KPNA6: variants seen among roughly 807,000 people sequenced by gnomAD.
KPNA6 encodes the protein importin subunit alpha-7.
Under a neutral mutation model 72.0 loss-of-function variants are expected in KPNA6, and 9 were observed. The observed-to-expected ratio is 0.13, with a 90% CI of 0.08 to 0.22. KPNA6 has a LOEUF of 0.22. Ranked by LOEUF, KPNA6 falls within the 10% of genes least tolerant of loss-of-function variation. The pLI, the probability that KPNA6 is intolerant of heterozygous loss-of-function variation, is 1.00. For synonymous variants in KPNA6, 219 were observed against 242.1 expected, an observed-to-expected ratio of 0.90 and a Z score of 0.89; for missense variants, 374 against 655.7, an observed-to-expected ratio of 0.57 and a Z score of 4.69.
rs543869296 is a variant in KPNA6 at position 32,167,155 on chromosome 1, C to T, written c.1117-14C>T. 3.4e-5 allele frequency: 55 copies of T among 1,612,518 alleles called. No individual in the cohort carries two copies. The highest frequency in any genetic ancestry group is 1.6e-4 in the Middle Eastern group (1 of 6,076). ...CTTTCTCCTTCCATCTGCCTCCTCT[C>T]AATTCTCTCTCAGGCTGTTATAGAT... On this transcript the variant is annotated splice_polypyrimidine_tract_variant and intron_variant, in intron 11 of 13. Transcript: ENST00000373625.
chr1:32,163,421 G>A lies in KPNA6; in HGVS notation c.990+108G>A, dbSNP rs1340734406. The stretch of plus-strand genomic sequence containing the variant: ...CAAAGGGCTGTGGTCCTGATGGGAG[G>A]CACTATGGTCTAAGGAAGTAAGTGT... On this transcript the variant is annotated intron_variant, in intron 10 of 13. Coordinates refer to ENST00000373625, the MANE Select transcript of KPNA6 (RefSeq NM_012316.5). 3 of 760,080 alleles carry A rather than the reference G, an allele frequency of 3.9e-6. No individual in the cohort carries two copies. In the South Asian group the frequency reaches 4.5e-5, roughly 11 times the overall value. The allele number at this position is 760,080 out of a possible 1,614,324, so 47.1% of individuals were successfully genotyped here.
intron 1 of KPNA6, among the ~76,000 whole-genome samples, chr1:32,133,805 C>T (rs1020494572): frequency 7.2e-5 from 11 of 152,138 alleles, no homozygotes; most frequent in Non-Finnish European, 1.5e-4. Context: ...CTTTGGAGGC[C>T]GAGGCAGGCG....
chr1:32,163,448 G>A (rs1642278487), intron 10 of KPNA6, 135 bp downstream of exon 10: 1 of 627,824 alleles, frequency 1.6e-6, no homozygotes, highest in Non-Finnish European at 2.9e-6. Flanking sequence ...AGTAAGTGTG[G>A]GCTTGAGTGA....
At position 32,109,695 on chromosome 1, in the gene KPNA6, G is replaced by C. The variant is rs1641210479; in HGVS notation, c.4+1561G>C. Among the ~76,000 whole-genome samples the C allele has an allele frequency of 1.3e-5, 2 of 150,114 alleles. 1 individual carries two copies. Among genetic ancestry groups the C allele is most frequent in the South Asian group, 4.2e-4 (2 of 4,758 alleles). ...GTCTGGCTCTGTTGCCCAGGCTGGA[G>C]TGCATTGGCGCGATCTCGGCTCACT... On this transcript the variant is annotated intron_variant, in intron 1 of 13. Coordinates refer to ENST00000373625, the MANE Select transcript of KPNA6 (RefSeq NM_012316.5).
Position 32,175,782 on chromosome 1 carries a change from CAAAA to C in KPNA6, c.*4907_*4910del, listed in dbSNP as rs35485312. The C allele has an allele frequency of 1.0e-4, 4 of 38,916 alleles. No individual in the cohort carries two copies. The highest frequency in any genetic ancestry group is 1.9e-4 in the African/African-American group (2 of 10,794). 2.4% of individuals were successfully genotyped at this position (38,916 alleles called of 1,614,324 possible). ...TGGGTGACAGTGCGAGACTCCATCT[CAAAA>C]AAAAAAAAAAAAAAAAAATCCACAT... On this transcript the variant is annotated 3_prime_UTR_variant, in exon 14 of 14. Coordinates refer to ENST00000373625, the MANE Select transcript of KPNA6 (RefSeq NM_012316.5).
In KPNA6 at chr1:32,170,813, C is replaced by T. The variant is rs780529316; in HGVS notation, c.1530C>T (p.Ser510=). The T allele has an allele frequency of 6.2e-7, 1 of 1,614,106 alleles. No individual in the cohort carries two copies. The highest frequency in any genetic ancestry group is 2.2e-5 in the East Asian group (1 of 44,906). Residue 510 remains serine (S), a synonymous_variant, in exon 14 of 14, where the codon AGC becomes AGT. Coordinates refer to ENST00000373625, the MANE Select transcript of KPNA6 (RefSeq NM_012316.5). ...TTGGTGTAGAAGACGATGATAGCAG[C>T]CTGGCTCCCCAAGTCGATGAAACGC... ...HYFGVEDDDS[S]LAPQVDETQQ... is the part of the protein sequence containing the mutation.
intron 1 of KPNA6, among the ~76,000 whole-genome samples, chr1:32,130,142 A>G (rs1446629214): frequency 1.3e-4 from 20 of 151,648 alleles, no homozygotes; most frequent in Admixed American, 1.3e-3. Flanking sequence ...CTCTACAGAT[A>G]TTAGAGATTG....
Position 32,176,423 on chromosome 1 carries a change from G to A in KPNA6, c.*5529G>A, listed in dbSNP as rs982813642. ...GCTTGATTTCAGAGCAGACATAGGC[G>A]AAGAAAACATGGCATTGAGTGTGCT... On this transcript the variant is annotated 3_prime_UTR_variant, in exon 14 of 14. Coordinates refer to ENST00000373625, the MANE Select transcript of KPNA6 (RefSeq NM_012316.5). 3 of 152,268 alleles carry A rather than the reference G, an allele frequency of 2.0e-5. No individual in the cohort carries two copies. The highest frequency in any genetic ancestry group is 3.8e-4 in the East Asian group (2 of 5,200). 9.4% of individuals were successfully genotyped at this position (152,268 alleles called of 1,614,324 possible). A position where few individuals can be genotyped will look rare whatever the true frequency, so the allele number is the denominator to read the frequency against.
intron 1 of KPNA6, among the ~76,000 whole-genome samples, chr1:32,120,243 G>C (rs897076137): frequency 2.7e-5 from 4 of 150,482 alleles, no homozygotes; most frequent in Non-Finnish European, 5.9e-5. Flanking sequence ...TTTTTTAAAT[G>C]TTAATTTTTT....
chr1:32,117,737 T>C (rs1486181130), intron 1 of KPNA6, among the ~76,000 whole-genome samples: 10 of 152,180 alleles, frequency 6.6e-5, no homozygotes. Context: ...CATGTTTTAG[T>C]TGAGAAAACC....
intron 1 of KPNA6, among the ~76,000 whole-genome samples, chr1:32,136,851 C>T (rs1401379373): frequency 6.6e-5 from 10 of 152,222 alleles, no homozygotes; most frequent in Admixed American, 6.5e-4. Flanking sequence ...TACACTATTA[C>T]TGCCAGCGTT....
intron 1 of KPNA6, among the ~76,000 whole-genome samples, chr1:32,148,139 C>G (rs1281787802): frequency 1.3e-5 from 2 of 152,188 alleles, no homozygotes; most frequent in Non-Finnish European, 2.9e-5. Context: ...GAATCTCACT[C>G]TATCACCCAG....
At position 32,172,042 on chromosome 1, in the gene KPNA6, CAA is replaced by C. The variant is rs1413071752; in HGVS notation, c.*1152_*1153del. 1 of 152,012 alleles carries C rather than the reference CAA, an allele frequency of 6.6e-6. No individual in the cohort carries two copies. The highest frequency in any genetic ancestry group is 1.5e-5 in the Non-Finnish European group (1 of 68,020). 9.4% of individuals were successfully genotyped at this position (152,012 alleles called of 1,614,324 possible). ...ATTTTACTTCTAAAGGAGAGAATGT[CAA>C]AAAGTTCTGTATTTTTTTATATTCT... On this transcript the variant is annotated 3_prime_UTR_variant, in exon 14 of 14. Coordinates refer to ENST00000373625, the MANE Select transcript of KPNA6 (RefSeq NM_012316.5).
chr1:32,114,451 A>AAAAATATATAT (rs982175711), intron 1 of KPNA6, among the ~76,000 whole-genome samples: 129 of 145,546 alleles, frequency 8.9e-4, no homozygotes, highest in African/African-American at 3.2e-3. Context: ...CAAAAAAAAA[A>AAAAATATATAT]ATATATATAT....
intron 1 of KPNA6, among the ~76,000 whole-genome samples, chr1:32,135,515 T>C (rs557118809): frequency 6.6e-6 from 1 of 151,126 alleles, no homozygotes; most frequent in African/African-American, 2.4e-5. Context: ...TTTTTTTTTT[T>C]AGAGGCAGGG....
chr1:32,173,380 G>C lies in KPNA6; in HGVS notation c.*2486G>C, dbSNP rs1350800619. The C allele has an allele frequency of 3.0e-6, 1 of 334,000 alleles. No individual in the cohort carries two copies. Among genetic ancestry groups the C allele is most frequent in the Non-Finnish European group, 5.4e-6 (1 of 186,360 alleles). 20.7% of individuals were successfully genotyped at this position (334,000 alleles called of 1,614,324 possible). On this transcript the variant is annotated 3_prime_UTR_variant, in exon 14 of 14. Coordinates refer to ENST00000373625, the MANE Select transcript of KPNA6 (RefSeq NM_012316.5). ...TACTTTGGCTTCAGCTCCGGGTCCT[G>C]TACCAGATGGAAAATGTTTTTGGTG...
chr1:32,121,742 A>T (rs1433151078), intron 1 of KPNA6, among the ~76,000 whole-genome samples: 3 of 151,728 alleles, frequency 2.0e-5, no homozygotes, highest in African/African-American at 7.3e-5. Flanking sequence ...GGAGGCTGAG[A>T]TGGGTGGATC....
At chr1:32,139,347 G>T (rs1292365397) in intron 1 of KPNA6, among the ~76,000 whole-genome samples, 1 of 152,170 alleles carries the variant, frequency 6.6e-6, no homozygotes, top group African/African-American at 2.4e-5. Context: ...AAGAGCTAAG[G>T]AAAAGCGTTG....
At chr1:32,155,706 A>T (rs1179708742) in intron 2 of KPNA6, among the ~76,000 whole-genome samples, 2 of 104,924 alleles carry the variant, frequency 1.9e-5, no homozygotes, top group African/African-American at 4.2e-5. Flanking sequence ...GATTATTATT[A>T]TTTATTTATT....
Sources: allele counts gnomAD v4.1 joint callset (sites outside exome capture counted in the v4.1 genomes callset), GRCh38; gene constraint gnomAD v4.1.1; transcripts MANE v1.5; gene names NCBI Gene and HGNC (gene_info 2026-07-23, HGNC 2026-07-21).